Variants in SPOCK2 observed in about 807,000 individuals in gnomAD.
SPOCK2 encodes the protein testican-2.
SPOCK2 carries 39 observed loss-of-function variants against 60.1 expected under a neutral mutation model. The observed-to-expected ratio is 0.65, with a 90% CI of 0.50 to 0.85. The LOEUF (loss-of-function observed/expected upper bound fraction) is 0.85, where lower values mean the gene tolerates loss of function less well. SPOCK2 is among the 40% of genes least tolerant of loss of function. The probability of loss-of-function intolerance (pLI) is 0.00; values close to 1 mark genes in which losing one functional copy is unlikely to be tolerated. For missense variants in SPOCK2, 523 were observed against 567.4 expected (o/e 0.92, Z 0.80); for synonymous variants, 217 against 231.5 (o/e 0.94, Z 0.57).
chr10:72,081,904 A>C (rs1840789318), intron 1 of SPOCK2, among the ~76,000 whole-genome samples: 1 of 152,164 alleles, frequency 6.6e-6, no homozygotes, highest in Non-Finnish European at 1.5e-5. Context: ...GGGCTGGATG[A>C]GATCCTGTCT....
chr10:72,072,912 TG>T lies in SPOCK2; in HGVS notation c.190-3del. On this transcript the variant is annotated splice_polypyrimidine_tract_variant and splice_region_variant and intron_variant, in intron 1 of 10. Transcript: ENST00000373109. The stretch of plus-strand genomic sequence containing the variant: ...CTGGGCAGTACTCACCTCCACTTCC[TG>T]GAGATCAGGGAACAGCAGCAGGCCA... 1 of 1,555,088 alleles carries T rather than the reference TG, an allele frequency of 6.4e-7. No homozygotes were observed. The highest frequency in any genetic ancestry group is 1.2e-5 in the South Asian group (1 of 84,188).
chr10:72,065,325 C>T (rs559566863), intron 8 of SPOCK2, among the ~76,000 whole-genome samples: 20 of 152,310 alleles, frequency 1.3e-4, no homozygotes, highest in Admixed American at 3.9e-4. Flanking sequence ...CGTGAGCCAC[C>T]GCGCCCGGTC....
At position 72,087,043 on chromosome 10, in the gene SPOCK2, C is replaced by A; in HGVS notation, c.189+1097G>T. On this transcript the variant is annotated intron_variant, in intron 1 of 10. Coordinates refer to ENST00000373109, the MANE Select transcript of SPOCK2 (RefSeq NM_001244950.2). The surrounding 1 kb of genome is among the most constrained non-coding windows in gnomAD (Gnocchi z 4.7). The stretch of plus-strand genomic sequence containing the variant: ...GGTCCTAGAAGAGGTTTTCTGGGGT[C>A]AGGGCCGCGGTGAGCACCAGGTCGC... The A allele has an allele frequency of 1.3e-6, 2 of 1,539,370 alleles. No homozygotes were observed. Among genetic ancestry groups the A allele is most frequent in the South Asian group, 2.4e-5 (2 of 82,814 alleles).
At chr10:72,076,924 C>T (rs540909534) in intron 1 of SPOCK2, among the ~76,000 whole-genome samples, 14 of 152,190 alleles carry the variant, frequency 9.2e-5, no homozygotes, top group African/African-American at 2.9e-4. Flanking sequence ...CCTCCCACCC[C>T]ACAAGTTAGA....
chr10:72,066,045 C>T (rs1840563179), intron 8 of SPOCK2, among the ~76,000 whole-genome samples: 1 of 152,170 alleles, frequency 6.6e-6, no homozygotes, highest in Non-Finnish European at 1.5e-5. Context: ...AGGGCTTCCC[C>T]AGCTCCAGCC....
chr10:72,086,509 C>T, intron 1 of SPOCK2: 1 of 1,110,184 alleles, frequency 9.0e-7, no homozygotes. Flanking sequence ...AGGCCTAGGC[C>T]AGTGACACAT....
chr10:72,086,629 C>T lies in SPOCK2; in HGVS notation c.189+1511G>A, dbSNP rs553869602. The T allele has an allele frequency of 1.2e-5, 14 of 1,210,048 alleles. No homozygotes were observed. In the South Asian group the frequency reaches 2.2e-4, roughly 19 times the overall value. The allele number at this position is 1,210,048 out of a possible 1,614,324, so 75.0% of individuals were successfully genotyped here. ...ATCTGCGCTGGGCCTGCAGGTGCTT[C>T]GGGAAGGCCTCGCGGGGCTCCAGGC... On this transcript the variant is annotated intron_variant, in intron 1 of 10. Coordinates refer to ENST00000373109, the MANE Select transcript of SPOCK2 (RefSeq NM_001244950.2).
intron 1 of SPOCK2, among the ~76,000 whole-genome samples, chr10:72,079,938 C>G (rs1362554309): frequency 2.0e-5 from 3 of 152,054 alleles, no homozygotes; most frequent in African/African-American, 4.8e-5. Flanking sequence ...ATAAGGATGA[C>G]CCCCTTGCCT....
At position 72,064,368 on chromosome 10, in the gene SPOCK2, G is replaced by T. The variant is rs192064583; in HGVS notation, c.929-128C>A. 94 of 1,041,608 alleles carry T rather than the reference G, an allele frequency of 9.0e-5. No homozygotes were observed. In the African/African-American group the frequency reaches 1.2e-3, roughly 13 times the overall value. 64.5% of individuals were successfully genotyped at this position (1,041,608 alleles called of 1,614,324 possible). A position where few individuals can be genotyped will look rare whatever the true frequency, so the allele number is the denominator to read the frequency against. On this transcript the variant is annotated intron_variant, in intron 8 of 10. Coordinates refer to ENST00000373109, the MANE Select transcript of SPOCK2 (RefSeq NM_001244950.2). ...GAAAACACCCCGTTTCTGACACGGG[G>T]TCACCCCACAGCAGGGGTGGGAAGT...
intron 1 of SPOCK2, among the ~76,000 whole-genome samples, chr10:72,079,129 G>C (rs1010500010): frequency 2.0e-5 from 3 of 152,210 alleles, no homozygotes; most frequent in Non-Finnish European, 4.4e-5. Context: ...GAGGCTCAGA[G>C]AGGTTAAGTG....
At chr10:72,085,593 C>G (rs1840844653) in intron 1 of SPOCK2, among the ~76,000 whole-genome samples, 1 of 152,160 alleles carries the variant, frequency 6.6e-6, no homozygotes, top group South Asian at 2.1e-4. Context: ...AGGCATTTCC[C>G]TCCCAATCCT....
chr10:72,084,585 A>C (rs1255499675), intron 1 of SPOCK2, among the ~76,000 whole-genome samples: 4 of 152,204 alleles, frequency 2.6e-5, no homozygotes, highest in Non-Finnish European at 5.9e-5. Flanking sequence ...GACACAAGCC[A>C]GAGTATACTT....
intron 2 of SPOCK2, 141 bp downstream of exon 2, chr10:72,072,761 C>T (rs994496457): frequency 6.4e-6 from 9 of 1,410,208 alleles, no homozygotes; most frequent in Admixed American, 2.0e-5. Context: ...TCCAGCCTCT[C>T]CCGTGAGCTC....
chr10:72,062,231 G>A lies in SPOCK2; in HGVS notation c.*529C>T, dbSNP rs79043038. ...GCCCCTCCCTCCCCTTTGCAATGGG[G>A]ACAGGCTCGCAGGCCAGAGCTTGAC... On this transcript the variant is annotated 3_prime_UTR_variant, in exon 11 of 11. Transcript: ENST00000373109. This position sits in a 1 kb window ranked among gnomAD's most constrained non-coding sequence, Gnocchi z 4.3. 621 of 154,830 alleles carry A rather than the reference G, an allele frequency of 4.0e-3. 4 individuals carry two copies. Among genetic ancestry groups the A allele is most frequent in the African/African-American group, 0.014 (586 of 41,582 alleles). The allele number at this position is 154,830 out of a possible 1,614,324, so 9.6% of individuals were successfully genotyped here. A position where few individuals can be genotyped will look rare whatever the true frequency, so the allele number is the denominator to read the frequency against.
Position 72,088,406 on chromosome 10 carries a change from A to G in SPOCK2, c.-78T>C. 7.0e-7 allele frequency: 1 copy of G among 1,424,550 alleles called. No homozygotes were observed. Among genetic ancestry groups the G allele is most frequent in the South Asian group, 1.5e-5 (1 of 67,428 alleles). The allele number at this position is 1,424,550 out of a possible 1,614,324, so 88.2% of individuals were successfully genotyped here. A position where few individuals can be genotyped will look rare whatever the true frequency, so the allele number is the denominator to read the frequency against. On this transcript the variant is annotated 5_prime_UTR_variant, in exon 1 of 11. Transcript: ENST00000373109. ...CCTTCCTCCCACCCCGCTGCTGGCG[A>G]AGCGCACGCGGCTGTCCTCAGCTCT...
At chr10:72,068,346 A>G in intron 5 of SPOCK2, 45 bp from the exon 6 acceptor site, 1 of 1,535,394 alleles carries the variant, frequency 6.5e-7, no homozygotes, top group Non-Finnish European at 8.8e-7. Context: ...GGCTTACCCC[A>G]GGGGTCCCCA....
In SPOCK2 at chr10:72,074,754, GC is replaced by G. The variant is rs779851075; in HGVS notation, c.190-1845del. On this transcript the variant is annotated intron_variant, in intron 1 of 10. Coordinates refer to ENST00000373109, the MANE Select transcript of SPOCK2 (RefSeq NM_001244950.2). ...AGGACCGCAGACTGCTCCCGTGAGA[GC>G]CCACGGCGGCTCTCTCCCTCTCTCT... Among the ~76,000 whole-genome samples the G allele has an allele frequency of 1.5e-4, 23 of 152,318 alleles. 1 individual carries two copies. In the South Asian group the frequency reaches 3.5e-3, roughly 23 times the overall value.
chr10:72,086,520 G>A, intron 1 of SPOCK2: 10 of 1,121,978 alleles, frequency 8.9e-6, no homozygotes, highest in Non-Finnish European at 1.1e-5. Flanking sequence ...AGTGACACAT[G>A]GATTCCGGAT....
intron 4 of SPOCK2, among the ~76,000 whole-genome samples, chr10:72,071,722 T>C (rs1380438025): frequency 6.6e-6 from 1 of 152,180 alleles, no homozygotes; most frequent in African/African-American, 2.4e-5. Flanking sequence ...ATGGTGTGGC[T>C]TTCTCCTTGC....
Sources: gnomAD v4.1 joint callset for allele counts (sites outside exome capture counted in the v4.1 genomes callset) on GRCh38, gnomAD v4.1.1 for gene constraint, Gnocchi (gnomAD v3.1) non-coding constraint, MANE v1.5 for transcripts, NCBI Gene and HGNC (gene_info 2026-07-23, HGNC 2026-07-21) for gene names.